FGFR3: variants seen among roughly 807,000 people sequenced by gnomAD.
FGFR3 encodes FGFR-3.
A neutral mutation model predicts 82.9 loss-of-function variants in FGFR3; 25 were observed. The ratio of observed to expected loss-of-function variants is 0.30; its 90% confidence interval spans 0.22 to 0.42. The LOEUF (loss-of-function observed/expected upper bound fraction) is 0.42. Among genes scored for constraint, FGFR3 ranks in the 10% least tolerant of loss-of-function variants. FGFR3 has a pLI of 1.00. For missense variants in FGFR3, 1,026 were observed against 1,161.0 expected (o/e 0.88, Z 1.69); for synonymous variants, 620 against 516.0 (o/e 1.20, Z -2.73).
rs372315097 is a variant in FGFR3 at position 1,803,741 on chromosome 4, A to G, written c.980A>G (p.His327Arg). 1.2e-6 allele frequency: 2 copies of G among 1,613,896 alleles called. No individual in the cohort carries two copies. The highest frequency in any genetic ancestry group is 1.7e-5 in the Admixed American group (1 of 60,006). ...AAGGAGCTAGAGGTTCTCTCCTTGC[A>G]CAACGTCACCTTTGAGGACGCCGGG... is the stretch of plus-strand genomic sequence containing the variant. ...TDKELEVLSLHNVTFEDAGEY... is the reference protein window; with the variant it reads ...TDKELEVLSLRNVTFEDAGEY... Residue 327 changes from histidine to arginine, a missense_variant, in exon 8 of 18, where the codon CAC becomes CGC. Coordinates refer to ENST00000440486, the MANE Select transcript of FGFR3 (RefSeq NM_000142.5).
At chr4:1,801,263 A>G in intron 4 of FGFR3, 104 bp from the exon 5 acceptor site, 2 of 1,300,032 alleles carry the variant, frequency 1.5e-6, no homozygotes, top group Non-Finnish European at 2.1e-6. Context: ...CAGGACGGGA[A>G]ACTGAGGCTG....
At position 1,799,447 on chromosome 4, in the gene FGFR3, C is replaced by T. The variant is rs371715444; in HGVS notation, c.303C>T (p.His101=). The part of the protein sequence containing the change: ...PQRLQVLNAS[H]EDSGAYSCRQ... Reference sequence around the variant, plus strand: ...GGCTGCAGGTGCTGAATGCCTCCCACGAGGACTCCGGGGCCTACAGCTGCC... The same window carrying T: ...GGCTGCAGGTGCTGAATGCCTCCCATGAGGACTCCGGGGCCTACAGCTGCC... Residue 101 remains histidine (H), a synonymous_variant, in exon 3 of 18, where the codon CAC becomes CAT. Coordinates refer to ENST00000440486, the MANE Select transcript of FGFR3 (RefSeq NM_000142.5). 63 of 1,606,798 alleles carry T rather than the reference C, an allele frequency of 3.9e-5. No individual in the cohort carries two copies. Among genetic ancestry groups the T allele is most frequent in the African/African-American group, 2.5e-4 (19 of 74,878 alleles).
chr4:1,796,157 C>T (rs1292649743), intron 2 of FGFR3, among the ~76,000 whole-genome samples: 1 of 152,170 alleles, frequency 6.6e-6, no homozygotes, highest in Non-Finnish European at 1.5e-5. Context: ...AGGAGTGGAG[C>T]CACCTTTGGT....
chr4:1,798,926 A>G (rs1254488728), intron 2 of FGFR3, among the ~76,000 whole-genome samples: 1 of 152,224 alleles, frequency 6.6e-6, no homozygotes, highest in Admixed American at 6.5e-5. Context: ...ACGAAGAGTC[A>G]CATTTTGTGA....
chr4:1,796,715 C>T (rs367557120), intron 2 of FGFR3, among the ~76,000 whole-genome samples: 176 of 152,280 alleles, frequency 1.2e-3, no homozygotes, highest in African/African-American at 4.0e-3. Flanking sequence ...TTCCCCAGGC[C>T]AGAGTTTGGC....
In FGFR3 at chr4:1,801,830, C is replaced by A. The variant is rs1560418114; in HGVS notation, c.740-5C>A. The A allele has an allele frequency of 6.2e-7, 1 of 1,605,032 alleles. No individual in the cohort carries two copies. Among genetic ancestry groups the A allele is most frequent in the Non-Finnish European group, 8.5e-7 (1 of 1,175,144 alleles). ...GTGGCCCCTGAGCGTCATCTGCCCC[C>A]ACAGAGCGCTCCCCGCACCGGCCCA... On this transcript the variant is annotated splice_region_variant and splice_polypyrimidine_tract_variant and intron_variant, in intron 6 of 17. Transcript: ENST00000440486.
Position 1,807,955 on chromosome 4 carries a change from T to C in FGFR3, c.*693T>C. 4.0e-6 allele frequency: 1 copy of C among 252,378 alleles called. No homozygotes were observed. The highest frequency in any genetic ancestry group is 7.7e-6 in the Non-Finnish European group (1 of 129,600). The allele number at this position is 252,378 out of a possible 1,614,324, so 15.6% of individuals were successfully genotyped here. On this transcript the variant is annotated 3_prime_UTR_variant, in exon 18 of 18. Coordinates refer to ENST00000440486, the MANE Select transcript of FGFR3 (RefSeq NM_000142.5). ...GGAAAAGGCTGGTACAACGGAGGCCTGCGACCCTGGGGGCACAGGAGGCAG... is the reference window on the plus strand; with the variant it reads ...GGAAAAGGCTGGTACAACGGAGGCCCGCGACCCTGGGGGCACAGGAGGCAG...
chr4:1,806,496 G>A (rs772824084), intron 15 of FGFR3, 50 bp from the exon 16 acceptor site: 2 of 1,612,486 alleles, frequency 1.2e-6, no homozygotes, highest in African/African-American at 1.3e-5. Context: ...GCCCGCCCAG[G>A]TGTCTGTCCT....
chr4:1,801,079 C>T (rs906972735), intron 4 of FGFR3, among the ~76,000 whole-genome samples: 3 of 152,218 alleles, frequency 2.0e-5, no homozygotes, highest in Non-Finnish European at 4.4e-5. Flanking sequence ...CCTGGCACGC[C>T]TCTCTGGGCA....
intron 10 of FGFR3, 121 bp from the exon 11 acceptor site, chr4:1,805,234 G>C: frequency 6.5e-7 from 1 of 1,545,326 alleles, no homozygotes; most frequent in Non-Finnish European, 8.8e-7. Context: ...GGGGAGCATG[G>C]AGGGCTTCCT....
chr4:1,801,800 AG>A (rs781694529), intron 6 of FGFR3, 34 bp from the exon 7 acceptor site: 1 of 1,588,158 alleles, frequency 6.3e-7, no homozygotes, highest in South Asian at 1.1e-5. Flanking sequence ...GTGGTGAGGG[AG>A]GGGGTGGCCC....
At chr4:1,805,212 A>G in intron 10 of FGFR3, 143 bp from the exon 11 acceptor site, 1 of 1,472,450 alleles carries the variant, frequency 6.8e-7, no homozygotes, top group Non-Finnish European at 9.2e-7. Context: ...CGTCCTTACG[A>G]GCAGGCTGTA....
chr4:1,799,706 G>A, intron 3 of FGFR3, 41 bp from the exon 4 acceptor site: 1 of 1,610,314 alleles, frequency 6.2e-7, no homozygotes, highest in East Asian at 2.2e-5. Flanking sequence ...GGGCCTCCTG[G>A]GGCAGGTTGG....
intron 2 of FGFR3, among the ~76,000 whole-genome samples, chr4:1,794,812 A>ACACCCGCT (rs1560387742): frequency 2.6e-5 from 4 of 151,512 alleles, no homozygotes; most frequent in African/African-American, 9.7e-5. Flanking sequence ...GTACACCCGC[A>ACACCCGCT]GCCGGCTCCG....
In FGFR3 at chr4:1,804,501, G is replaced by A. The variant is rs868356240; in HGVS notation, c.1247G>A (p.Arg416His). The change falls in exon 9 of 18, where the codon CGC becomes CAC. Residue 416 changes from arginine (R) to histidine (H), a missense_variant. Transcript: ENST00000440486. Reference protein sequence around the residue: ...LGSPTVHKISRFPLKRQVSLE... With the variant: ...LGSPTVHKISHFPLKRQVSLE... ...TCCCCCACCGTGCACAAGATCTCCC[G>A]CTTCCCGCTCAAGCGACAGGTAACA... 15 of 1,612,564 alleles carry A rather than the reference G, an allele frequency of 9.3e-6. No individual in the cohort carries two copies. The highest frequency in any genetic ancestry group is 4.0e-5 in the African/African-American group (3 of 74,882).
Position 1,801,947 on chromosome 4 carries a change from C to A in FGFR3, c.852C>A (p.His284Gln), listed in dbSNP as rs2108784433. 6.2e-7 allele frequency: 1 copy of A among 1,612,852 alleles called. No homozygotes were observed. Among genetic ancestry groups the A allele is most frequent in the South Asian group, 1.1e-5 (1 of 91,084 alleles). Residue 284 changes from histidine to glutamine, a missense_variant, in exon 7 of 18, where the codon CAC (histidine) becomes CAA (glutamine). Physicochemically the swap from His to Gln is conservative, Grantham distance 24 (BLOSUM62 0). Around this residue, in one of 9 missense-constraint regions of FGFR3, gnomAD observed 147 missense variants for 228.1 expected, o/e 0.64. Transcript: ENST00000440486. ...HCKVYSDAQP[H>Q]IQWLKHVEVN... ...AGGTGTACAGTGACGCACAGCCCCACATCCAGTGGCTCAAGCACGTGGAGG... is the reference window on the plus strand; with the variant it reads ...AGGTGTACAGTGACGCACAGCCCCAAATCCAGTGGCTCAAGCACGTGGAGG...
intron 2 of FGFR3, among the ~76,000 whole-genome samples, chr4:1,795,762 G>T (rs1274474562): frequency 6.6e-6 from 1 of 152,206 alleles, no homozygotes; most frequent in Non-Finnish European, 1.5e-5. Flanking sequence ...AGGTACACAA[G>T]GTCGGCTCTC....
At chr4:1,801,800 A>T (rs1553845863) in intron 6 of FGFR3, 35 bp from the exon 7 acceptor site, 3 of 1,588,160 alleles carry the variant, frequency 1.9e-6, no homozygotes, top group Non-Finnish European at 2.6e-6. Context: ...GTGGTGAGGG[A>T]GGGGGTGGCC....
At chr4:1,803,268 G>A (rs1345230406) in intron 7 of FGFR3, 5 of 604,894 alleles carry the variant, frequency 8.3e-6, no homozygotes, top group African/African-American at 2.0e-5. Flanking sequence ...GACCCTTCCC[G>A]CACGCCTGCG....
Sources: gnomAD v4.1 joint callset for allele counts (sites outside exome capture counted in the v4.1 genomes callset) on GRCh38, gnomAD v4.1.1 for gene constraint, gnomAD v4.1.1 regional missense constraint, MANE v1.5 for transcripts, NCBI Gene and HGNC (gene_info 2026-07-23, HGNC 2026-07-21) for gene names.